Variants in DPT observed in about 807,000 individuals in gnomAD.
DPT encodes the protein dermatopontin.
A neutral mutation model predicts 31.2 loss-of-function variants in DPT; 21 were observed. The ratio of observed to expected loss-of-function variants is 0.67; its 90% CI spans 0.48 to 0.97. DPT has a LOEUF of 0.97. DPT is among the 50% of genes least tolerant of loss of function. DPT has a pLI of 0.00. For synonymous variants in DPT, 91 were observed against 86.9 expected, an observed-to-expected ratio of 1.05 and a Z score of -0.26; for missense variants, 262 against 258.8, an observed-to-expected ratio of 1.01 and a Z score of -0.08.
intron 2 of DPT, among the ~76,000 whole-genome samples, chr1:168,711,840 T>C (rs1315372732): frequency 6.6e-6 from 1 of 152,214 alleles, no homozygotes; most frequent in Non-Finnish European, 1.5e-5. Flanking sequence ...TAACAAAAAG[T>C]AGCCTGAAGT....
intron 2 of DPT, among the ~76,000 whole-genome samples, chr1:168,702,612 CTTT>C (rs10656421): frequency 2.3e-5 from 3 of 132,388 alleles, no homozygotes; most frequent in Admixed American, 7.8e-5. Flanking sequence ...AGGTAAATGT[CTTT>C]TTTTTTTTTT....
intron 3 of DPT, among the ~76,000 whole-genome samples, chr1:168,698,511 G>A (rs1649513682): frequency 6.6e-6 from 1 of 152,158 alleles, no homozygotes. Flanking sequence ...GCTATTAATT[G>A]ATGCTGAGCA....
At chr1:168,722,952 G>A (rs1025074521) in intron 1 of DPT, among the ~76,000 whole-genome samples, 2 of 152,010 alleles carry the variant, frequency 1.3e-5, no homozygotes, top group African/African-American at 4.8e-5. Flanking sequence ...CCAGACAGAA[G>A]CAAATCCCCT....
intron 3 of DPT, among the ~76,000 whole-genome samples, chr1:168,697,311 C>A (rs604627): frequency 0.42 from 63,696 of 152,078 alleles, 13,476 homozygotes; most frequent in East Asian, 0.51. Context: ...CATTTTCCCA[C>A]TGACTCTTTC....
intron 1 of DPT, among the ~76,000 whole-genome samples, chr1:168,720,120 C>G (rs983330173): frequency 6.6e-6 from 1 of 151,942 alleles, no homozygotes; most frequent in Non-Finnish European, 1.5e-5. Flanking sequence ...AGTCCTAGCC[C>G]TGACCTTTAC....
rs143980534 is a variant in DPT, at chr1:168,728,970, A to G, written c.205T>C (p.Ser69Pro). The change falls in exon 1 of 4, where the codon TCT becomes CCT. Residue 69 changes from serine to proline, a missense_variant. By Grantham distance (74) the Ser-to-Pro change is moderately conservative (BLOSUM62 -1). Transcript: ENST00000367817. ...VRSIFSKKEG[S>P]DRQWNYACMP... ...CAGGCGTAGTTCCATTGTCTGTCAG[A>G]ACCTTCCTTCTTGCTGAAGATGCTC... 49 of 1,614,008 alleles carry G rather than the reference A, an allele frequency of 3.0e-5. No homozygotes were observed. Among genetic ancestry groups the G allele is most frequent in the Admixed American group, 8.3e-5 (5 of 59,984 alleles).
intron 2 of DPT, among the ~76,000 whole-genome samples, chr1:168,706,914 C>T (rs1375183854): frequency 6.6e-6 from 1 of 152,182 alleles, no homozygotes; most frequent in Non-Finnish European, 1.5e-5. Flanking sequence ...GGTGGTCACC[C>T]TGGGCCTGCA....
intron 1 of DPT, among the ~76,000 whole-genome samples, chr1:168,719,422 A>C (rs1258784479): frequency 2.0e-5 from 3 of 152,188 alleles, no homozygotes; most frequent in Non-Finnish European, 4.4e-5. Flanking sequence ...TTCTAAATGG[A>C]ACAGGACTGG....
At chr1:168,706,633 C>T (rs1649721557) in intron 2 of DPT, among the ~76,000 whole-genome samples, 1 of 152,168 alleles carries the variant, frequency 6.6e-6, no homozygotes, top group Admixed American at 6.5e-5. Context: ...AACCCAGGGG[C>T]TCTGAGGTGT....
intron 1 of DPT, 33 bp downstream of exon 1, chr1:168,728,837 C>G (rs1365991071): frequency 6.2e-7 from 1 of 1,605,402 alleles, no homozygotes; most frequent in Non-Finnish European, 8.5e-7. Flanking sequence ...GAGATGTTCC[C>G]AGCCCCAGTG....
intron 2 of DPT, among the ~76,000 whole-genome samples, chr1:168,711,891 T>G (rs1027392520): frequency 6.6e-6 from 1 of 152,234 alleles, no homozygotes; most frequent in Non-Finnish European, 1.5e-5. Context: ...CTGTCATTAT[T>G]TATAGGGCTT....
intron 2 of DPT, among the ~76,000 whole-genome samples, chr1:168,706,541 G>A (rs927297821): frequency 6.6e-6 from 1 of 152,170 alleles, no homozygotes; most frequent in Non-Finnish European, 1.5e-5. Context: ...CAATCCCCAG[G>A]CTTCTTCCCA....
intron 1 of DPT, among the ~76,000 whole-genome samples, chr1:168,717,077 G>C (rs113218882): frequency 3.3e-5 from 5 of 152,254 alleles, no homozygotes; most frequent in African/African-American, 1.2e-4. Context: ...CCCATTAATG[G>C]GATTGTTGGG....
chr1:168,725,000 G>A (rs937739173), intron 1 of DPT, among the ~76,000 whole-genome samples: 1 of 152,160 alleles, frequency 6.6e-6, no homozygotes, highest in Non-Finnish European at 1.5e-5. Flanking sequence ...CTCAGACTCC[G>A]TGGAAAGCTG....
Position 168,729,121 on chromosome 1 carries a change from G to T in DPT, c.54C>A (p.Gly18=), listed in dbSNP as rs778852906. 56 of 1,614,026 alleles carry T rather than the reference G, an allele frequency of 3.5e-5. No homozygotes were observed. The highest frequency in any genetic ancestry group is 4.4e-5 in the Non-Finnish European group (52 of 1,180,024). The stretch of plus-strand genomic sequence containing the variant: ...ATGGGTATCCATAATCGCCATACTG[G>T]CCCCAGGCCATGGTGACTAGGGGCA... ...VLLPLVTMAW[G]QYGDYGYPYQ... is the part of the protein sequence containing the mutation. The change falls in exon 1 of 4, where the codon GGC becomes GGA. Residue 18 remains glycine, a synonymous_variant. Coordinates refer to ENST00000367817, the MANE Select transcript of DPT (RefSeq NM_001937.5).
intron 1 of DPT, 86 bp from the exon 2 acceptor site, chr1:168,714,432 T>G: frequency 6.6e-7 from 1 of 1,504,300 alleles, no homozygotes; most frequent in Non-Finnish European, 9.1e-7. Context: ...AGTTACACAC[T>G]CTTTCTCTGA....
At chr1:168,721,065 C>A (rs951151710) in intron 1 of DPT, among the ~76,000 whole-genome samples, 5 of 152,110 alleles carry the variant, frequency 3.3e-5, no homozygotes, top group Non-Finnish European at 7.3e-5. Context: ...TAAGCAGACA[C>A]TATGATAATA....
chr1:168,718,217 G>A (rs895750021), intron 1 of DPT, among the ~76,000 whole-genome samples: 2 of 152,226 alleles, frequency 1.3e-5, no homozygotes, highest in Non-Finnish European at 2.9e-5. Context: ...TCCCATGGGG[G>A]TAAGTTCCCC....
chr1:168,708,964 C>T (rs538988535), intron 2 of DPT, among the ~76,000 whole-genome samples: 7 of 152,240 alleles, frequency 4.6e-5, no homozygotes, highest in African/African-American at 1.7e-4. Flanking sequence ...TAGAGCTATA[C>T]AGGAATTTAA....
Sources: gnomAD v4.1 joint callset for allele counts (sites outside exome capture counted in the v4.1 genomes callset) on GRCh38, gnomAD v4.1.1 for gene constraint, MANE v1.5 for transcripts, NCBI Gene and HGNC (gene_info 2026-07-23, HGNC 2026-07-21) for gene names.